C16orf90: variants seen among roughly 807,000 people sequenced by gnomAD.
C16orf90 encodes uncharacterized protein C16orf90.
C16orf90 carries 17 observed loss-of-function variants against 17.1 expected under a neutral mutation model. That is an observed-to-expected ratio of 1.00 (90% CI 0.68 to 1.49). C16orf90 has a LOEUF of 1.49. Ranked by LOEUF, C16orf90 falls within the 40% of genes most tolerant of loss-of-function variation. C16orf90 has a pLI of 0.00. For synonymous variants in C16orf90, 108 were observed against 95.8 expected, an observed-to-expected ratio of 1.13 and a Z score of -0.75; for missense variants, 255 against 235.5, an observed-to-expected ratio of 1.08 and a Z score of -0.54.
upstream of C16orf90, among the ~76,000 whole-genome samples, chr16:3,495,807 T>C (rs1224089850): frequency 6.6e-6 from 1 of 151,794 alleles, no homozygotes; most frequent in Non-Finnish European, 1.5e-5. Context: ...GTCGGTACTT[T>C]GAAAATGCTG....
At position 3,495,444 on chromosome 16, in the gene C16orf90, G is replaced by A; in HGVS notation, c.-23C>T. On this transcript the variant is annotated 5_prime_UTR_variant, in exon 1 of 3. Coordinates refer to ENST00000437192, the MANE Select transcript of C16orf90 (RefSeq NM_001080524.2). ...CATGGAGGGCCAGTGTGGTGGGGAG[G>A]AGCAACCAGGACTTGGGTGCAGCAG... 6.2e-7 allele frequency: 1 copy of A among 1,606,922 alleles called. No individual in the cohort carries two copies. The highest frequency in any genetic ancestry group is 8.5e-7 in the Non-Finnish European group (1 of 1,176,486).
At chr16:3,495,931 G>A (rs1473664286), upstream of C16orf90, among the ~76,000 whole-genome samples, 3 of 152,122 alleles carry the variant, frequency 2.0e-5, no homozygotes, top group Non-Finnish European at 2.9e-5. Flanking sequence ...ATGAGGTCAG[G>A]AGATCGAGAC....
intron 1 of C16orf90, 121 bp downstream of exon 1, chr16:3,495,254 TG>T: frequency 8.5e-7 from 1 of 1,177,342 alleles, no homozygotes; most frequent in Non-Finnish European, 1.2e-6. Flanking sequence ...GCTCATGGCC[TG>T]GCCCAGTGGC....
upstream of C16orf90, chr16:3,496,140 C>CA (rs74546027): frequency 0.16 from 50,476 of 324,408 alleles, 684 homozygotes; most frequent in African/African-American, 0.2. Context: ...GACTCCGTCT[C>CA]AAAAAAAAAA....
Position 3,494,563 on chromosome 16 carries a change from G to A in C16orf90, c.361C>T (p.Leu121=). The change falls in exon 2 of 3, where the codon CTG becomes TTG. Residue 121 remains leucine, a synonymous_variant. Transcript: ENST00000437192. The part of the protein sequence containing the change: ...GPRNSLCSAL[L]EARLPRDSLG... ...CTGTCCCTGGGCAATCGGGCTTCCA[G>A]AAGGGCTGAACAGAGGCTGTTACGT... 2 of 1,612,908 alleles carry A rather than the reference G, an allele frequency of 1.2e-6. No homozygotes were observed. The highest frequency in any genetic ancestry group is 1.7e-5 in the Admixed American group (1 of 60,014).
chr16:3,496,482 C>CA, upstream of C16orf90: 2 of 732,084 alleles, frequency 2.7e-6, no homozygotes, highest in South Asian at 2.7e-5. Flanking sequence ...CGCGAGGGTT[C>CA]AGGAGGTGCC....
upstream of C16orf90, chr16:3,496,339 G>A: frequency 8.5e-7 from 1 of 1,178,384 alleles, no homozygotes; most frequent in South Asian, 1.2e-5. Flanking sequence ...CATTCAACCA[G>A]GTTGTGCTGA....
Position 3,494,739 on chromosome 16 carries a change from A to G in C16orf90, c.185T>C (p.Leu62Pro). 6.2e-7 allele frequency: 1 copy of G among 1,605,034 alleles called. No individual in the cohort carries two copies. The highest frequency in any genetic ancestry group is 1.1e-5 in the South Asian group (1 of 90,856). Reference protein sequence around the residue: ...SKPKNFRLRHLRGLGLYLESH... With the variant: ...SKPKNFRLRHPRGLGLYLESH... ...CTCCAGGTAGAGGCCCAGGCCCCGG[A>G]GGTGGCGCAGCCGGAAGTTCTTGGG... is the stretch of plus-strand genomic sequence containing the variant. Residue 62 changes from leucine (L) to proline (P), a missense_variant, in exon 2 of 3, where the codon CTC becomes CCC. By Grantham distance (98) the Leu-to-Pro change is moderately conservative. Coordinates refer to ENST00000437192, the MANE Select transcript of C16orf90 (RefSeq NM_001080524.2).
upstream of C16orf90, chr16:3,496,611 C>T: frequency 1.9e-6 from 1 of 531,620 alleles, no homozygotes; most frequent in South Asian, 1.4e-5. Context: ...GACGGCGGCC[C>T]CGTCCTACTC....
intron 1 of C16orf90, 51 bp downstream of exon 1, chr16:3,495,325 G>A (rs1204815739): frequency 4.5e-6 from 7 of 1,568,398 alleles, no homozygotes; most frequent in Non-Finnish European, 5.2e-6. Flanking sequence ...GGGCCCAGGT[G>A]GGGACAGAAG....
upstream of C16orf90, chr16:3,496,499 T>G (rs879036142): frequency 3.1e-6 from 2 of 643,318 alleles, no homozygotes; most frequent in Non-Finnish European, 5.6e-6. Flanking sequence ...TGCCCAAACT[T>G]AAGGTGTGTG....
upstream of C16orf90, chr16:3,496,607 G>A (rs79734465): frequency 3.4e-3 from 1,784 of 531,256 alleles, 26 homozygotes; most frequent in African/African-American, 0.031. Flanking sequence ...CAAGGACGGC[G>A]GCCCCGTCCT....
upstream of C16orf90, chr16:3,495,617 G>T (rs572494799): frequency 1.2e-4 from 143 of 1,211,378 alleles, no homozygotes; most frequent in Middle Eastern, 5.8e-4. Flanking sequence ...TGAAAGAAAG[G>T]CATGGGAAGG....
chr16:3,496,232 TA>T, upstream of C16orf90: 1 of 619,488 alleles, frequency 1.6e-6, no homozygotes, highest in Non-Finnish European at 3.1e-6. Context: ...AAGAAGGACC[TA>T]AAGGTTCGGC....
Position 3,495,413 on chromosome 16 carries a change from G to A in C16orf90, c.9C>T (p.Ala3=), listed in dbSNP as rs370639375. Residue 3 remains alanine, a synonymous_variant, in exon 1 of 3, where the codon GCC becomes GCT. Coordinates refer to ENST00000437192, the MANE Select transcript of C16orf90 (RefSeq NM_001080524.2). Reference sequence around the variant, plus strand: ...GCAGCTCAGAAAATGCACAGACCAAGGCTTCCATGGAGGGCCAGTGTGGTG... The same window carrying A: ...GCAGCTCAGAAAATGCACAGACCAAAGCTTCCATGGAGGGCCAGTGTGGTG... ME[A]LVCAFSELHI... 1.8e-5 allele frequency: 29 copies of A among 1,610,408 alleles called. No individual in the cohort carries two copies. Among genetic ancestry groups the A allele is most frequent in the Non-Finnish European group, 2.2e-5 (26 of 1,178,398 alleles).
rs1596376341 is a variant in C16orf90, at chr16:3,495,279, C to T, written c.46+97G>A. 11 of 1,416,964 alleles carry T rather than the reference C, an allele frequency of 7.8e-6. No homozygotes were observed. In the East Asian group the frequency reaches 2.7e-4, roughly 35 times the overall value. The allele number at this position is 1,416,964 out of a possible 1,614,324, so 87.8% of individuals were successfully genotyped here. ...TGGCCCAGTGGCCATTCCCCTCTCC[C>T]AAGCATACATGTCCCTGAGGCCACC... On this transcript the variant is annotated intron_variant, in intron 1 of 2. Transcript: ENST00000437192.
intron 1 of C16orf90, 71 bp downstream of exon 1, chr16:3,495,305 C>T (rs552559156): frequency 1.2e-5 from 19 of 1,532,578 alleles, no homozygotes; most frequent in South Asian, 3.6e-5. Context: ...TGAGGCCACC[C>T]CTCGGCTTTG....
In C16orf90 at chr16:3,493,878, C is replaced by T. The variant is rs1490091897; in HGVS notation, c.510G>A (p.Leu170=). Reference sequence around the variant, plus strand: ...GGGCCCCAGAGCGGGTTCTCTTGCACAAGGGACACATGGCCTCTTCCCAGG... The same window carrying T: ...GGGCCCCAGAGCGGGTTCTCTTGCATAAGGGACACATGGCCTCTTCCCAGG... The part of the protein sequence containing the change: ...WGTWEEAMCP[L]CKRTRSGALE... Residue 170 remains leucine (L), a synonymous_variant, in exon 3 of 3, where the codon TTG becomes TTA. Transcript: ENST00000437192. 1 of 1,607,606 alleles carries T rather than the reference C, an allele frequency of 6.2e-7. No individual in the cohort carries two copies. The highest frequency in any genetic ancestry group is 8.5e-7 in the Non-Finnish European group (1 of 1,177,238).
chr16:3,495,638 C>T (rs1185101236), upstream of C16orf90: 6 of 582,266 alleles, frequency 1.0e-5, no homozygotes, highest in African/African-American at 1.2e-4. Context: ...GGCCAGAACC[C>T]TGGGGGAAGT....
Sources: allele counts gnomAD v4.1 joint callset (sites outside exome capture counted in the v4.1 genomes callset), GRCh38; gene constraint gnomAD v4.1.1; transcripts MANE v1.5; gene names NCBI Gene and HGNC (gene_info 2026-07-23, HGNC 2026-07-21).